TMCO4: variants seen among roughly 807,000 people sequenced by gnomAD.
TMCO4 encodes the protein transmembrane and coiled-coil domain-containing protein 4.
A neutral mutation model predicts 64.7 loss-of-function variants in TMCO4; 58 were observed. The observed-to-expected ratio is 0.90, with a 90% CI of 0.73 to 1.12. TMCO4 has a LOEUF of 1.12. Ranked by LOEUF, TMCO4 falls within the 50% of genes most tolerant of loss-of-function variation. The pLI is 0.00. For missense variants in TMCO4, 780 were observed against 825.9 expected, an observed-to-expected ratio of 0.94 and a Z score of 0.68; for synonymous variants, 325 against 346.1, an observed-to-expected ratio of 0.94 and a Z score of 0.68.
intron 13 of TMCO4, among the ~76,000 whole-genome samples, chr1:19,713,682 G>C (rs541834347): frequency 6.6e-6 from 1 of 152,098 alleles, no homozygotes; most frequent in South Asian, 2.1e-4. Context: ...CTGGATGACA[G>C]AGTAAGACCC....
intron 13 of TMCO4, among the ~76,000 whole-genome samples, chr1:19,720,048 T>C (rs1461589928): frequency 2.0e-5 from 3 of 151,056 alleles, no homozygotes; most frequent in Non-Finnish European, 4.4e-5. Flanking sequence ...TCTTGTTTTG[T>C]TGTCCAGGCT....
chr1:19,696,331 C>T (rs796333075), intron 14 of TMCO4, among the ~76,000 whole-genome samples: 4 of 152,196 alleles, frequency 2.6e-5, no homozygotes, highest in African/African-American at 9.6e-5. Flanking sequence ...GGGAGGATTG[C>T]TCGGGCCCAG....
At chr1:19,688,159 G>T (rs1285541301) in intron 15 of TMCO4, among the ~76,000 whole-genome samples, 7 of 152,132 alleles carry the variant, frequency 4.6e-5, no homozygotes, top group Non-Finnish European at 1.0e-4. Flanking sequence ...TCCCGTGTTG[G>T]CAGGGGCCTC....
At position 19,739,915 on chromosome 1, in the gene TMCO4, G is replaced by C. The variant is rs1371575843; in HGVS notation, c.1088C>G (p.Ala363Gly). 3 of 1,613,910 alleles carry C rather than the reference G, an allele frequency of 1.9e-6. No homozygotes were observed. Among genetic ancestry groups the C allele is most frequent in the Non-Finnish European group, 2.5e-6 (3 of 1,179,986 alleles). ...LTWPASLLSV[A>G]NVIDNPWGVC... ...CCCCCAGGGGTTGTCGATGACATTGGCGACACTGAGGAGTGAGGCTGGCCA... is the reference window on the plus strand; with the variant it reads ...CCCCCAGGGGTTGTCGATGACATTGCCGACACTGAGGAGTGAGGCTGGCCA... Residue 363 changes from alanine (A) to glycine (G), a missense_variant, in exon 12 of 16, where the codon GCC becomes GGC. Physicochemically the swap from Ala to Gly is moderately conservative, Grantham distance 60 (BLOSUM62 0). Coordinates refer to ENST00000294543, the MANE Select transcript of TMCO4 (RefSeq NM_181719.7).
chr1:19,743,548 A>G lies in TMCO4; in HGVS notation c.877+1984T>C, dbSNP rs2041628096. On this transcript the variant is annotated intron_variant, in intron 10 of 15. Coordinates refer to ENST00000294543, the MANE Select transcript of TMCO4 (RefSeq NM_181719.7). The surrounding 1 kb of genome is among the most constrained non-coding windows in gnomAD (Gnocchi z 4.1). ...CCTTTCCCTGAGTGTCCCACACTAG[A>G]CAGCTGGAGATCAGTGAAGACTTTC... 6.6e-6 allele frequency among the ~76,000 whole-genome samples: 1 copy of G among 152,136 alleles called. No homozygotes were observed. The highest frequency in any genetic ancestry group is 2.1e-4 in the South Asian group (1 of 4,816).
intron 6 of TMCO4, among the ~76,000 whole-genome samples, chr1:19,763,014 T>C (rs1386623011): frequency 6.6e-6 from 1 of 152,198 alleles, no homozygotes; most frequent in Non-Finnish European, 1.5e-5. Flanking sequence ...TCAGTAAGTC[T>C]CTTAACCTCT....
intron 11 of TMCO4, 52 bp from the exon 12 acceptor site, chr1:19,740,012 C>T (rs1211949386): frequency 6.4e-7 from 1 of 1,555,444 alleles, no homozygotes; most frequent in Non-Finnish European, 8.7e-7. Context: ...TAGGGTCCTA[C>T]TAGGGAAGTG....
intron 4 of TMCO4, among the ~76,000 whole-genome samples, chr1:19,777,993 TG>T (rs2043288895): frequency 6.6e-6 from 1 of 152,194 alleles, no homozygotes. Flanking sequence ...GAGCTATGTC[TG>T]TATCACTGTA....
intron 9 of TMCO4, 59 bp downstream of exon 9, chr1:19,746,396 AG>A: frequency 6.2e-7 from 1 of 1,600,008 alleles, no homozygotes; most frequent in Non-Finnish European, 8.5e-7. Flanking sequence ...ATGTCCTTTT[AG>A]GAACTGGGCC....
intron 12 of TMCO4, among the ~76,000 whole-genome samples, chr1:19,738,597 G>T (rs2095466176): frequency 6.6e-6 from 1 of 152,246 alleles, no homozygotes; most frequent in Non-Finnish European, 1.5e-5. Flanking sequence ...ACTTGGGAGA[G>T]AACAAAATTC....
chr1:19,770,595 A>G lies in TMCO4; in HGVS notation c.355-26T>C, dbSNP rs751241397. The stretch of plus-strand genomic sequence containing the variant: ...CTGAGGGAGAAGACAACAGGCATCA[A>G]TGACAAAGCTGATATACGATACAGC... On this transcript the variant is annotated intron_variant, in intron 5 of 15. Transcript: ENST00000294543. The G allele has an allele frequency of 3.1e-6, 5 of 1,610,066 alleles. No individual in the cohort carries two copies. In the East Asian group the frequency reaches 6.7e-5, roughly 22 times the overall value.
chr1:19,780,462 A>T, intron 4 of TMCO4, 118 bp downstream of exon 4: 1 of 1,270,986 alleles, frequency 7.9e-7, no homozygotes, highest in Non-Finnish European at 1.1e-6. Context: ...CGTTAGAGGC[A>T]AGGACAATGA....
chr1:19,763,809 A>G (rs1225868314), intron 6 of TMCO4, among the ~76,000 whole-genome samples: 1 of 152,220 alleles, frequency 6.6e-6, no homozygotes, highest in Non-Finnish European at 1.5e-5. Context: ...GTATTCCAGT[A>G]CCATACACCC....
chr1:19,720,522 A>G (rs1480016529), intron 13 of TMCO4, among the ~76,000 whole-genome samples: 2 of 151,868 alleles, frequency 1.3e-5, no homozygotes, highest in Non-Finnish European at 2.9e-5. Context: ...TCCTGTTCCT[A>G]TTTGTTTTTC....
At chr1:19,692,619 C>T (rs1005884069) in intron 15 of TMCO4, among the ~76,000 whole-genome samples, 4 of 148,852 alleles carry the variant, frequency 2.7e-5, no homozygotes, top group East Asian at 3.9e-4. Context: ...TGGTGGCAGG[C>T]GCCTATAATC....
intron 2 of TMCO4, among the ~76,000 whole-genome samples, chr1:19,796,416 T>C (rs570582686): frequency 6.6e-6 from 1 of 152,074 alleles, no homozygotes; most frequent in Non-Finnish European, 1.5e-5. Flanking sequence ...AATGGCCGGT[T>C]GCTAATGTGT....
intron 3 of TMCO4, among the ~76,000 whole-genome samples, chr1:19,783,927 T>C (rs1442558787): frequency 6.6e-6 from 1 of 152,128 alleles, no homozygotes; most frequent in Non-Finnish European, 1.5e-5. Context: ...GCTCAGAGGG[T>C]CAGCTCAGAC....
rs775455299 is a variant in TMCO4 at position 19,747,253 on chromosome 1, C to T, written c.523G>A (p.Glu175Lys). 5.0e-6 allele frequency: 8 copies of T among 1,613,258 alleles called. No homozygotes were observed. The highest frequency in any genetic ancestry group is 2.7e-5 in the African/African-American group (2 of 74,898). ...EIKEEESEMA[E>K]ASRKKKENRR... ...TTTTCTTTCTTCTTTCGGGATGCCT[C>T]GGCCATTCTGAGGGAAAAGAGGCTG... Residue 175 changes from glutamate (E) to lysine (K), a missense_variant, in exon 8 of 16, where the codon GAG (glutamate) becomes AAG (lysine). Transcript: ENST00000294543.
intron 4 of TMCO4, among the ~76,000 whole-genome samples, chr1:19,776,895 C>T (rs567432214): frequency 8.6e-5 from 13 of 151,996 alleles, no homozygotes; most frequent in Admixed American, 2.0e-4. Flanking sequence ...GGCATGGTGG[C>T]GTGCGCCTGT....
Sources: gnomAD v4.1 joint callset for allele counts (sites outside exome capture counted in the v4.1 genomes callset) on GRCh38, gnomAD v4.1.1 for gene constraint, Gnocchi (gnomAD v3.1) non-coding constraint, MANE v1.5 for transcripts, NCBI Gene and HGNC (gene_info 2026-07-23, HGNC 2026-07-21) for gene names.